SLC24A4: variants seen among roughly 807,000 people sequenced by gnomAD.
The protein encoded by SLC24A4 is solute carrier family 24 member 4.
SLC24A4 carries 53 observed loss-of-function variants against 79.0 expected under a neutral mutation model. The ratio of observed to expected loss-of-function variants is 0.67; its 90% confidence interval spans 0.54 to 0.84. SLC24A4 has a LOEUF of 0.84. SLC24A4 is among the 40% of genes least tolerant of loss of function. The probability of loss-of-function intolerance (pLI) is 0.00; values close to 1 mark genes in which losing one functional copy is unlikely to be tolerated. For synonymous variants in SLC24A4, 323 were observed against 323.8 expected (o/e 1.00, Z 0.03); for missense variants, 731 against 822.0 (o/e 0.89, Z 1.35).
At chr14:92,343,251 C>G (rs1886269758) in intron 2 of SLC24A4, among the ~76,000 whole-genome samples, 2 of 152,230 alleles carry the variant, frequency 1.3e-5, no homozygotes, top group South Asian at 4.1e-4. Context: ...ATCCTCTGTT[C>G]ATTCGCCTCC....
chr14:92,327,787 G>A (rs1340128219), intron 2 of SLC24A4, among the ~76,000 whole-genome samples: 1 of 152,156 alleles, frequency 6.6e-6, no homozygotes, highest in East Asian at 1.9e-4. Flanking sequence ...AACATATAAA[G>A]CGTCTGTTCT....
At chr14:92,349,473 T>G (rs1886745547) in intron 2 of SLC24A4, among the ~76,000 whole-genome samples, 1 of 152,264 alleles carries the variant, frequency 6.6e-6, no homozygotes, top group African/African-American at 2.4e-5. Flanking sequence ...AAGATGTTTC[T>G]TAAGTGTTAG....
intron 2 of SLC24A4, among the ~76,000 whole-genome samples, chr14:92,348,178 T>G (rs905682393): frequency 1.3e-5 from 2 of 152,192 alleles, no homozygotes; most frequent in African/African-American, 4.8e-5. Flanking sequence ...CAGCAGGTTT[T>G]AACTTCCTTA....
intron 2 of SLC24A4, among the ~76,000 whole-genome samples, chr14:92,334,186 T>C (rs1885643372): frequency 6.6e-6 from 1 of 152,158 alleles, no homozygotes; most frequent in Non-Finnish European, 1.5e-5. Flanking sequence ...AAAGCAAGAA[T>C]TGGATTTACT....
chr14:92,390,053 C>T (rs1889378669), intron 2 of SLC24A4, among the ~76,000 whole-genome samples: 1 of 152,058 alleles, frequency 6.6e-6, no homozygotes, highest in South Asian at 2.1e-4. Context: ...GAAACCCTGC[C>T]TCACATCACT....
chr14:92,491,802 A>G (rs757317344), intron 15 of SLC24A4, 25 bp downstream of exon 15: 11 of 1,566,336 alleles, frequency 7.0e-6, no homozygotes, highest in Admixed American at 1.7e-5. Flanking sequence ...CCTTTAACAG[A>G]TGTGTTTTAC....
At chr14:92,367,609 C>T (rs1372881788) in intron 2 of SLC24A4, among the ~76,000 whole-genome samples, 1 of 152,168 alleles carries the variant, frequency 6.6e-6, no homozygotes, top group Non-Finnish European at 1.5e-5. Context: ...AGAAACAGAG[C>T]TGGAAAAAGA....
chr14:92,388,502 G>A (rs932222949), intron 2 of SLC24A4, among the ~76,000 whole-genome samples: 2 of 152,188 alleles, frequency 1.3e-5, no homozygotes, highest in Non-Finnish European at 1.5e-5. Flanking sequence ...AGACCCACAG[G>A]CGTTGACAGC....
At chr14:92,421,052 C>T (rs1891249209) in intron 2 of SLC24A4, among the ~76,000 whole-genome samples, 2 of 152,128 alleles carry the variant, frequency 1.3e-5, no homozygotes, top group African/African-American at 2.4e-5. Context: ...CCAGATCTGG[C>T]CTCATCCCAA....
chr14:92,333,771 AC>A (rs886602408), intron 2 of SLC24A4, among the ~76,000 whole-genome samples: 18 of 150,934 alleles, frequency 1.2e-4, no homozygotes, highest in African/African-American at 4.2e-4. Flanking sequence ...ATCCACCCTT[AC>A]TTTTTATTCT....
At chr14:92,351,175 A>T (rs974462387) in intron 2 of SLC24A4, among the ~76,000 whole-genome samples, 1 of 151,994 alleles carries the variant, frequency 6.6e-6, no homozygotes, top group Non-Finnish European at 1.5e-5. Context: ...TAGGGCACCC[A>T]GTGGTCACTT....
At chr14:92,342,311 TG>T (rs66586546) in intron 2 of SLC24A4, among the ~76,000 whole-genome samples, 130,033 of 145,812 alleles carry the variant, frequency 0.89, 59,125 homozygotes, top group Non-Finnish European at 0.98. Context: ...GGTGGGGCTG[TG>T]GGGGGGGGGT....
intron 15 of SLC24A4, 71 bp from the exon 16 acceptor site, chr14:92,492,104 A>T (rs2139947907): frequency 7.1e-7 from 1 of 1,399,954 alleles, no homozygotes; most frequent in Non-Finnish European, 1.0e-6. Flanking sequence ...GGGCCCAGGC[A>T]TGCTGGGATT....
intron 3 of SLC24A4, among the ~76,000 whole-genome samples, chr14:92,438,218 G>T (rs1250409698): frequency 6.6e-6 from 1 of 152,172 alleles, no homozygotes; most frequent in African/African-American, 2.4e-5. Flanking sequence ...CCGATGACCC[G>T]CTCTTTGCGC....
At chr14:92,417,352 AG>A (rs1346944140) in intron 2 of SLC24A4, among the ~76,000 whole-genome samples, 2 of 147,674 alleles carry the variant, frequency 1.4e-5, no homozygotes, top group African/African-American at 5.4e-5. Context: ...CATTTAAAAA[AG>A]AAAAATAGCT....
At position 92,501,325 on chromosome 14, in the gene SLC24A4, A is replaced by T. The variant is rs2139971692; in HGVS notation, c.*7697A>T. On this transcript the variant is annotated 3_prime_UTR_variant, in exon 17 of 17. Coordinates refer to ENST00000532405, the MANE Select transcript of SLC24A4 (RefSeq NM_153646.4). ...ACTGTCATTAAATTTGAATGAATTG[A>T]TATTATTGGTTACTGAACACTGGCA... 6.6e-6 allele frequency: 1 copy of T among 152,370 alleles called. No individual in the cohort carries two copies. The highest frequency in any genetic ancestry group is 1.9e-4 in the East Asian group (1 of 5,192). 9.4% of individuals were successfully genotyped at this position (152,370 alleles called of 1,614,324 possible).
At chr14:92,480,307 G>A (rs1268944459) in intron 12 of SLC24A4, among the ~76,000 whole-genome samples, 1 of 3,314 alleles carries the variant, frequency 3.0e-4, no homozygotes, top group Non-Finnish European at 5.8e-3. Context: ...TTTTTTTTGA[G>A]ATGGAGTCTT....
At chr14:92,427,793 C>T (rs1891648304) in intron 2 of SLC24A4, among the ~76,000 whole-genome samples, 1 of 152,208 alleles carries the variant, frequency 6.6e-6, no homozygotes, top group Non-Finnish European at 1.5e-5. Context: ...TTTGTATGTC[C>T]CCAGCATTAC....
intron 12 of SLC24A4, among the ~76,000 whole-genome samples, chr14:92,463,103 T>C (rs1893906686): frequency 6.6e-6 from 1 of 152,196 alleles, no homozygotes; most frequent in South Asian, 2.1e-4. Flanking sequence ...GCTTGGATGG[T>C]ACCACCCAGC....
Sources: allele counts gnomAD v4.1 joint callset (sites outside exome capture counted in the v4.1 genomes callset), GRCh38; gene constraint gnomAD v4.1.1; transcripts MANE v1.5; gene names NCBI Gene and HGNC (gene_info 2026-07-23, HGNC 2026-07-21).